The following SFMBT2 variants were observed in gnomAD, a reference collection of about 807,000 sequenced individuals.
SFMBT2 encodes scm-like with four MBT domains protein 2.
In SFMBT2, 38 loss-of-function variants were observed where a neutral mutation model predicts 110.1. The ratio of observed to expected loss-of-function variants is 0.35; its 90% confidence interval spans 0.27 to 0.45. The LOEUF (loss-of-function observed/expected upper bound fraction) is 0.45. Among genes scored for constraint, SFMBT2 ranks in the 20% least tolerant of loss-of-function variants. The probability of loss-of-function intolerance (pLI) is 1.00; values close to 1 mark genes in which losing one functional copy is unlikely to be tolerated. For missense variants in SFMBT2, 1,011 were observed against 1,094.9 expected, an observed-to-expected ratio of 0.92 and a Z score of 1.08; for synonymous variants, 425 against 425.4, an observed-to-expected ratio of 1.00 and a Z score of 0.01.
Position 7,172,435 on chromosome 10 carries a change from T to A in SFMBT2, c.2151+60A>T, listed in dbSNP as rs1019831453. 1.9e-6 allele frequency: 3 copies of A among 1,609,886 alleles called. No homozygotes were observed. The African/African-American group carries it at 4.0e-5, about 21-fold the overall frequency. ...CACCTCTGCTGTGAAGCAGCCACAC[T>A]TGCCGGCCAGGGCCAGATGACAGAG... On this transcript the variant is annotated intron_variant, in intron 18 of 20. Coordinates refer to ENST00000397167, the MANE Select transcript of SFMBT2 (RefSeq NM_001387889.1). The surrounding 1 kb of genome is among the most constrained non-coding windows in gnomAD (Gnocchi z 4.6).
intron 4 of SFMBT2, among the ~76,000 whole-genome samples, chr10:7,295,992 A>G (rs774161181): frequency 6.6e-6 from 1 of 152,242 alleles, no homozygotes; most frequent in Non-Finnish European, 1.5e-5. Flanking sequence ...AAGAAATGCC[A>G]CAGAGATGGA....
At chr10:7,386,524 C>A (rs997311117) in intron 1 of SFMBT2, among the ~76,000 whole-genome samples, 1 of 152,092 alleles carries the variant, frequency 6.6e-6, no homozygotes, top group South Asian at 2.1e-4. Context: ...ACAAGAATTG[C>A]TTGAACCCAG....
At chr10:7,174,082 G>T (rs982304975) in intron 17 of SFMBT2, among the ~76,000 whole-genome samples, 10 of 152,224 alleles carry the variant, frequency 6.6e-5, no homozygotes, top group African/African-American at 2.4e-4. Flanking sequence ...CACAGCAGCA[G>T]CCCTGTAACT....
chr10:7,390,076 C>A (rs965119278), intron 1 of SFMBT2, among the ~76,000 whole-genome samples: 2 of 152,162 alleles, frequency 1.3e-5, no homozygotes, highest in Non-Finnish European at 2.9e-5. Context: ...TAGACCAGCA[C>A]TGCCTGATCT....
chr10:7,353,778 T>C (rs1023919033), intron 4 of SFMBT2, among the ~76,000 whole-genome samples: 3 of 152,242 alleles, frequency 2.0e-5, no homozygotes, highest in African/African-American at 4.8e-5. Context: ...ATACCTTCCA[T>C]CCTACATTTA....
At chr10:7,346,356 A>G (rs1844109985) in intron 4 of SFMBT2, among the ~76,000 whole-genome samples, 1 of 152,184 alleles carries the variant, frequency 6.6e-6, no homozygotes, top group African/African-American at 2.4e-5. Context: ...AAACAGTAAA[A>G]ACCAGATTGA....
rs1028270973 is a variant in SFMBT2, at chr10:7,204,274, ACT to A, written c.1444+1539_1444+1540del. The A allele has an allele frequency of 1.0e-4, 93 of 895,268 alleles. No individual in the cohort carries two copies. The African/African-American group carries it at 1.4e-3, about 14-fold the overall frequency. 55.5% of individuals were successfully genotyped at this position (895,268 alleles called of 1,614,324 possible). ...TAATGCTAACTAGAGGAGCCCTGAA[ACT>A]CTGTCGCCATCAGGGAATGTGAAGT... On this transcript the variant is annotated intron_variant, in intron 12 of 20. Coordinates refer to ENST00000397167, the MANE Select transcript of SFMBT2 (RefSeq NM_001387889.1).
rs756853912 is a variant in SFMBT2 at position 7,367,800 on chromosome 10, C to T, written c.285G>A (p.Thr95=). Residue 95 remains threonine (T), a synonymous_variant, in exon 4 of 21, where the codon ACG becomes ACA. Coordinates refer to ENST00000397167, the MANE Select transcript of SFMBT2 (RefSeq NM_001387889.1). This position sits in a 1 kb window ranked among gnomAD's most constrained non-coding sequence, Gnocchi z 6.2. ...GCAGCTGCCCGCACGTGGTAATGAT[C>T]GTGGCCACCCAGTACGTGTCCGGGT... is the stretch of plus-strand genomic sequence containing the variant. ...KNNPDTYWVA[T]IITTCGQLLL... The T allele has an allele frequency of 3.8e-5, 62 of 1,614,058 alleles. No individual in the cohort carries two copies. The highest frequency in any genetic ancestry group is 8.0e-5 in the African/African-American group (6 of 74,930).
rs139977510 is a variant in SFMBT2, at chr10:7,335,001, T to A, written c.436+32648A>T. Among the ~76,000 whole-genome samples the A allele has an allele frequency of 5.8e-3, 888 of 152,166 alleles. 6 individuals carry two copies. The highest frequency in any genetic ancestry group is 0.019 in the African/African-American group (809 of 41,506). ...GAGGCGGGAGCATAAATCACCAGGA[T>A]GCTTTAATGTTCAAAAGAAGCCGGA... On this transcript the variant is annotated intron_variant, in intron 4 of 20. Transcript: ENST00000397167.
Position 7,172,549 on chromosome 10 carries a change from G to A in SFMBT2, c.2097C>T (p.Phe699=), listed in dbSNP as rs868755634. 15 of 1,614,114 alleles carry A rather than the reference G, an allele frequency of 9.3e-6. No homozygotes were observed. The highest frequency in any genetic ancestry group is 4.4e-5 in the South Asian group (4 of 91,090). ...ARRRKRRKSI[F]VQKKRRSSAV... ...CAGAAGACCTCCGTTTCTTCTGCAC[G>A]AAAATGGATTTCCGTCGCTTCCTCC... The change falls in exon 18 of 21, where the codon TTC becomes TTT. Residue 699 remains phenylalanine, a synonymous_variant. Transcript: ENST00000397167. The surrounding 1 kb of genome is among the most constrained non-coding windows in gnomAD (Gnocchi z 4.6).
chr10:7,398,727 T>A (rs1845990686), intron 1 of SFMBT2, among the ~76,000 whole-genome samples: 1 of 152,210 alleles, frequency 6.6e-6, no homozygotes, highest in Admixed American at 6.5e-5. Context: ...CTGTCCCTTA[T>A]AAATATTAAA....
At chr10:7,325,181 T>C (rs949109773) in intron 4 of SFMBT2, among the ~76,000 whole-genome samples, 1 of 151,986 alleles carries the variant, frequency 6.6e-6, no homozygotes, top group African/African-American at 2.4e-5. Context: ...TTGGCCAGAC[T>C]GCTCTCAAAC....
At chr10:7,200,087 T>C (rs1052937178) in intron 14 of SFMBT2, among the ~76,000 whole-genome samples, 2 of 152,188 alleles carry the variant, frequency 1.3e-5, no homozygotes, top group Non-Finnish European at 2.9e-5. Flanking sequence ...AATTGCCTAA[T>C]GAGATGATAT....
intron 15 of SFMBT2, among the ~76,000 whole-genome samples, chr10:7,194,145 G>A (rs150166458): frequency 0.021 from 3,144 of 152,252 alleles, 51 homozygotes; most frequent in South Asian, 0.049. Context: ...GGCCTGCTTC[G>A]TTCTGAGTTT....
chr10:7,232,779 T>A (rs116731894), intron 9 of SFMBT2, among the ~76,000 whole-genome samples: 2,614 of 152,298 alleles, frequency 0.017, 58 homozygotes, highest in African/African-American at 0.057. Context: ...TAATAAAAAA[T>A]TATTTGAAAA....
chr10:7,230,039 A>C (rs1214644280), intron 9 of SFMBT2, among the ~76,000 whole-genome samples: 1 of 150,394 alleles, frequency 6.6e-6, no homozygotes, highest in Admixed American at 6.6e-5. Flanking sequence ...ATATATATTT[A>C]AGATGGGAGG....
At chr10:7,264,221 C>T in intron 7 of SFMBT2, 1 of 244,226 alleles carries the variant, frequency 4.1e-6, no homozygotes, top group Middle Eastern at 2.2e-3. Context: ...AAGCAAGATA[C>T]TTAAAGAAAC....
At chr10:7,234,866 A>G (rs1840210941) in intron 9 of SFMBT2, among the ~76,000 whole-genome samples, 1 of 152,250 alleles carries the variant, frequency 6.6e-6, no homozygotes, top group South Asian at 2.1e-4. Flanking sequence ...AGGGCAGACA[A>G]CAGCCTGGTT....
At chr10:7,328,846 A>C (rs1275512254) in intron 4 of SFMBT2, among the ~76,000 whole-genome samples, 1 of 152,246 alleles carries the variant, frequency 6.6e-6, no homozygotes, top group Non-Finnish European at 1.5e-5. Flanking sequence ...GACTAAGAAA[A>C]GCTTAAACTT....
Sources: gnomAD v4.1 joint callset for allele counts (sites outside exome capture counted in the v4.1 genomes callset) on GRCh38, gnomAD v4.1.1 for gene constraint, Gnocchi (gnomAD v3.1) non-coding constraint, MANE v1.5 for transcripts, NCBI Gene and HGNC (gene_info 2026-07-23, HGNC 2026-07-21) for gene names.